TEX11: variants seen among roughly 807,000 people sequenced by gnomAD.
TEX11 encodes testis expressed 11.
Under a neutral mutation model 84.4 loss-of-function variants are expected in TEX11, and 7 were observed. That is an observed-to-expected ratio of 0.08 (90% CI 0.05 to 0.16). The LOEUF is 0.16. TEX11 is among the 10% of genes least tolerant of loss of function. TEX11 has a pLI of 1.00. For missense variants in TEX11, 551 were observed against 660.5 expected (o/e 0.83, Z 1.82); for synonymous variants, 264 against 222.8 (o/e 1.18, Z -1.64).
intron 16 of TEX11, among the ~76,000 whole-genome samples, chrX:70,666,939 A>T (rs2089981221): frequency 8.9e-6 from 1 of 112,151 alleles, no homozygotes; most frequent in Non-Finnish European, 1.9e-5. Context: ...AACATTTAAT[A>T]TCACCCTTTC....
intron 25 of TEX11, among the ~76,000 whole-genome samples, chrX:70,577,735 C>CTT (rs111944315): frequency 1.0e-5 from 1 of 98,171 alleles, no homozygotes; most frequent in Non-Finnish European, 2.1e-5. Context: ...ATGATTATAT[C>CTT]TTTTTTTTTT....
chrX:70,535,928 G>T (rs1037036568), intron 28 of TEX11, among the ~76,000 whole-genome samples: 2 of 110,479 alleles, frequency 1.8e-5, no homozygotes, highest in Non-Finnish European at 3.8e-5. Flanking sequence ...GTGGTATCTT[G>T]TGCTATTTAT....
intron 8 of TEX11, among the ~76,000 whole-genome samples, chrX:70,826,915 T>A (rs1206756470): frequency 2.7e-5 from 3 of 110,983 alleles, no homozygotes; most frequent in South Asian, 3.8e-4. Flanking sequence ...CCACGTGACC[T>A]AGGGAGACAA....
intron 2 of TEX11, among the ~76,000 whole-genome samples, chrX:70,906,601 G>A (rs181555234): frequency 1.4e-3 from 156 of 110,321 alleles, no homozygotes; most frequent in African/African-American, 4.7e-3. Context: ...CAGCTTGACC[G>A]ACATGGTGAA....
the TEX11 span, among the ~76,000 whole-genome samples, chrX:70,511,887 G>A: frequency 7.4e-4 from 78 of 105,651 alleles, 3 homozygotes; most frequent in African/African-American, 2.5e-3. Flanking sequence ...TCTCCAATCC[G>A]ATTTACCCAG....
At chrX:70,907,531 T>G (rs900507996) in intron 2 of TEX11, among the ~76,000 whole-genome samples, 2 of 111,446 alleles carry the variant, frequency 1.8e-5, no homozygotes, top group African/African-American at 6.5e-5. Flanking sequence ...CTCAGCCTCC[T>G]GAGTAGCTGG....
intron 2 of TEX11, among the ~76,000 whole-genome samples, chrX:70,880,595 GAACTT>G (rs2091677674): frequency 9.1e-6 from 1 of 110,407 alleles, no homozygotes; most frequent in African/African-American, 3.3e-5. Context: ...CTGCAAAACT[GAACTT>G]AACAGTGTCT....
At chrX:70,806,013 G>C (rs1042199686) in intron 9 of TEX11, among the ~76,000 whole-genome samples, 1 of 111,709 alleles carries the variant, frequency 9.0e-6, no homozygotes, top group Non-Finnish European at 1.9e-5. Flanking sequence ...AATAATTTTA[G>C]CCAATACTAC....
At chrX:70,580,661 T>C (rs1219599762) in intron 25 of TEX11, among the ~76,000 whole-genome samples, 1 of 112,720 alleles carries the variant, frequency 8.9e-6, no homozygotes, top group Non-Finnish European at 1.9e-5. Flanking sequence ...ATTTATGTAA[T>C]GTATAAAACA....
At chrX:70,639,957 G>A (rs1346061784) in intron 17 of TEX11, among the ~76,000 whole-genome samples, 1 of 111,400 alleles carries the variant, frequency 9.0e-6, no homozygotes, top group Non-Finnish European at 1.9e-5. Flanking sequence ...GACTTCAGAC[G>A]ATCAAATTAA....
intron 9 of TEX11, among the ~76,000 whole-genome samples, chrX:70,760,465 A>G (rs181590387): frequency 1.8e-5 from 2 of 111,548 alleles, no homozygotes; most frequent in East Asian, 2.8e-4. Context: ...CACATCTACA[A>G]CCATCTGATC....
chrX:70,735,989 CT>C (rs1193298522), intron 11 of TEX11, among the ~76,000 whole-genome samples: 10 of 111,267 alleles, frequency 9.0e-5, no homozygotes, highest in Non-Finnish European at 1.5e-4. Context: ...AGTAAGAGTT[CT>C]TTTTTATATT....
At chrX:70,569,545 T>C (rs777975319) in intron 25 of TEX11, among the ~76,000 whole-genome samples, 2 of 111,451 alleles carry the variant, frequency 1.8e-5, no homozygotes, top group African/African-American at 3.3e-5. Flanking sequence ...TTTTATCTAC[T>C]TTTGGTCTTT....
intron 17 of TEX11, among the ~76,000 whole-genome samples, chrX:70,650,146 G>C (rs939762855): frequency 1.8e-5 from 2 of 111,619 alleles, no homozygotes; most frequent in Non-Finnish European, 3.8e-5. Flanking sequence ...AAAGTGGTGA[G>C]AAGGAGTAAC....
intron 8 of TEX11, among the ~76,000 whole-genome samples, chrX:70,831,378 G>A (rs1245765547): frequency 9.0e-6 from 1 of 111,522 alleles, no homozygotes. Context: ...TATAATCCCA[G>A]TACTTTGGGT....
intron 2 of TEX11, among the ~76,000 whole-genome samples, chrX:70,896,631 A>C (rs764241309): frequency 9.0e-6 from 1 of 111,623 alleles, no homozygotes; most frequent in Non-Finnish European, 1.9e-5. Context: ...AACGCCCATC[A>C]ATGATAGAAT....
chrX:70,584,017 C>T (rs1192272930), intron 25 of TEX11, among the ~76,000 whole-genome samples: 2 of 111,320 alleles, frequency 1.8e-5, no homozygotes, highest in African/African-American at 3.3e-5. Context: ...CGGTGGCTCA[C>T]GCCTGTAATC....
chrX:70,658,594 T>C (rs774549003), intron 16 of TEX11, among the ~76,000 whole-genome samples: 29 of 110,107 alleles, frequency 2.6e-4, no homozygotes, highest in African/African-American at 9.6e-4. Context: ...AGACTAAAAG[T>C]CAAAAACAAG....
intron 19 of TEX11, among the ~76,000 whole-genome samples, 170 bp from the exon 20 acceptor site, chrX:70,624,176 A>G (rs914927143): frequency 3.6e-5 from 4 of 112,159 alleles, no homozygotes; most frequent in African/African-American, 9.7e-5. Context: ...TTGTTTTAAC[A>G]GTTGCAATGA....
Sources: gnomAD v4.1 joint callset for allele counts (sites outside exome capture counted in the v4.1 genomes callset) on GRCh38, gnomAD v4.1.1 for gene constraint, MANE v1.5 for transcripts, NCBI Gene and HGNC (gene_info 2026-07-23, HGNC 2026-07-21) for gene names.